The following ANK1 variants were observed in gnomAD, a reference collection of about 807,000 sequenced individuals.
ANK1 encodes the protein ankyrin-1.
In ANK1, 51 loss-of-function variants were observed where a neutral mutation model predicts 210.4. The observed-to-expected ratio is 0.24, with a 90% CI of 0.19 to 0.31. The LOEUF is 0.31. Ranked by LOEUF, ANK1 falls within the 10% of genes least tolerant of loss-of-function variation. The probability of loss-of-function intolerance (pLI) is 1.00; values close to 1 mark genes in which losing one functional copy is unlikely to be tolerated. For missense variants in ANK1, 2,051 were observed against 2,504.4 expected (o/e 0.82, Z 3.86); for synonymous variants, 967 against 1,025.9 (o/e 0.94, Z 1.10).
At chr8:41,811,659 C>G (rs760060280) in intron 1 of ANK1, among the ~76,000 whole-genome samples, 1 of 152,226 alleles carries the variant, frequency 6.6e-6, no homozygotes, top group African/African-American at 2.4e-5. Context: ...GACCAGAGCA[C>G]GGAACCTCCC....
At chr8:41,688,024 C>T in intron 35 of ANK1, 132 bp downstream of exon 35, 1 of 1,161,058 alleles carries the variant, frequency 8.6e-7, no homozygotes. Context: ...AGACCCAGCT[C>T]AGACAATCAC....
In ANK1 at chr8:41,718,091, T is replaced by C. The variant is rs1586410809; in HGVS notation, c.1206+15A>G. ...CCACAGGCCTGCCCCCAGGCTCCTC[T>C]GCAGTCTCTCCTACCTCGGTGACCG... On this transcript the variant is annotated intron_variant, in intron 11 of 42. Coordinates refer to ENST00000289734, the MANE Select transcript of ANK1 (RefSeq NM_000037.4). 6.2e-7 allele frequency: 1 copy of C among 1,613,032 alleles called. No individual in the cohort carries two copies. The highest frequency in any genetic ancestry group is 1.1e-5 in the South Asian group (1 of 91,060).
chr8:41,673,479 G>C, intron 37 of ANK1, among the ~76,000 whole-genome samples: 1 of 152,218 alleles, frequency 6.6e-6, no homozygotes, highest in East Asian at 1.9e-4. Context: ...CACTGTGGTG[G>C]TCAAATGGGA....
At chr8:41,810,648 C>T (rs1436737613) in intron 1 of ANK1, among the ~76,000 whole-genome samples, 2 of 152,248 alleles carry the variant, frequency 1.3e-5, no homozygotes, top group Non-Finnish European at 2.9e-5. Context: ...GCGTCCCTGA[C>T]GGGCCTTCCA....
At chr8:41,743,677 A>G (rs1268606282) in intron 2 of ANK1, among the ~76,000 whole-genome samples, 1 of 152,228 alleles carries the variant, frequency 6.6e-6, no homozygotes, top group Non-Finnish European at 1.5e-5. Context: ...TATGTTAAGG[A>G]GGACGGGCAT....
chr8:41,788,372 G>A (rs1303179447), intron 1 of ANK1, among the ~76,000 whole-genome samples: 5 of 152,150 alleles, frequency 3.3e-5, no homozygotes, highest in South Asian at 4.2e-4. Flanking sequence ...GAGTACTGAC[G>A]TGAACACCAG....
upstream of ANK1, among the ~76,000 whole-genome samples, chr8:41,800,257 T>C (rs1360575767): frequency 6.6e-6 from 1 of 152,142 alleles, no homozygotes; most frequent in Non-Finnish European, 1.5e-5. Context: ...CTTTAAGCAC[T>C]TGACAAAATA....
At chr8:41,801,642 A>G (rs1275805859), upstream of ANK1, among the ~76,000 whole-genome samples, 2 of 152,130 alleles carry the variant, frequency 1.3e-5, no homozygotes, top group Non-Finnish European at 2.9e-5. Flanking sequence ...TCACATGTTT[A>G]TGGGCCATTT....
At chr8:41,783,128 G>C (rs10958697) in intron 1 of ANK1, among the ~76,000 whole-genome samples, 61,194 of 151,820 alleles carry the variant, frequency 0.4, 12,652 homozygotes, top group Non-Finnish European at 0.43. Context: ...ACCTAATTAA[G>C]TGAATGCAGC....
chr8:41,741,572 C>T (rs564526592), intron 2 of ANK1, among the ~76,000 whole-genome samples: 47 of 131,922 alleles, frequency 3.6e-4, no homozygotes, highest in African/African-American at 1.2e-3. Flanking sequence ...GGAGTGAGAC[C>T]TTACCTGAAA....
chr8:41,816,488 G>A (rs1421345275), intron 1 of ANK1, among the ~76,000 whole-genome samples: 1 of 152,092 alleles, frequency 6.6e-6, no homozygotes, highest in East Asian at 1.9e-4. Context: ...ACCCAGGCTG[G>A]AGTGCAGTGG....
intron 1 of ANK1, among the ~76,000 whole-genome samples, chr8:41,765,982 C>CTGACCTCAA (rs1374282563): frequency 2.6e-5 from 4 of 152,270 alleles, no homozygotes; most frequent in Non-Finnish European, 5.9e-5. Context: ...TTCCCTAGGA[C>CTGACCTCAA]AAATCATGAC....
intron 1 of ANK1, among the ~76,000 whole-genome samples, chr8:41,895,913 C>CCCGCT (rs1439294591): frequency 6.6e-6 from 1 of 151,886 alleles, no homozygotes; most frequent in Admixed American, 6.5e-5. Context: ...CCCCCCCCGG[C>CCCGCT]CCGCTCCCCG....
At chr8:41,846,930 C>T (rs535290501) in intron 1 of ANK1, among the ~76,000 whole-genome samples, 5 of 152,296 alleles carry the variant, frequency 3.3e-5, no homozygotes, top group Non-Finnish European at 5.9e-5. Context: ...GCTCACAACC[C>T]GAACACCTCG....
chr8:41,820,588 C>T (rs1294103151), intron 1 of ANK1, among the ~76,000 whole-genome samples: 1 of 152,012 alleles, frequency 6.6e-6, no homozygotes, highest in Admixed American at 6.6e-5. Context: ...TCTCAGGGGT[C>T]CCAGGATCCT....
intron 1 of ANK1, among the ~76,000 whole-genome samples, chr8:41,857,237 T>G (rs987768652): frequency 7.3e-5 from 11 of 150,334 alleles, no homozygotes; most frequent in African/African-American, 2.7e-4. Context: ...TTCTCTACTC[T>G]AAAGTACTTT....
At chr8:41,845,435 C>G (rs567953592) in intron 1 of ANK1, among the ~76,000 whole-genome samples, 1 of 152,044 alleles carries the variant, frequency 6.6e-6, no homozygotes, top group African/African-American at 2.4e-5. Flanking sequence ...AACCAATCGA[C>G]TGGCGATTTC....
chr8:41,724,769 G>C (rs1830240217), intron 6 of ANK1, among the ~76,000 whole-genome samples: 1 of 152,152 alleles, frequency 6.6e-6, no homozygotes. Flanking sequence ...CGAATTATAT[G>C]TTAACCTCAG....
At chr8:41,767,577 C>T (rs539507714) in intron 1 of ANK1, among the ~76,000 whole-genome samples, 1 of 152,304 alleles carries the variant, frequency 6.6e-6, no homozygotes, top group South Asian at 2.1e-4. Context: ...TTCATTTTCT[C>T]TCCATGATTA....
Sources: gnomAD v4.1 joint callset for allele counts (sites outside exome capture counted in the v4.1 genomes callset) on GRCh38, gnomAD v4.1.1 for gene constraint, MANE v1.5 for transcripts, NCBI Gene and HGNC (gene_info 2026-07-23, HGNC 2026-07-21) for gene names.